Variants in EVL observed in about 807,000 individuals in gnomAD.
The protein encoded by EVL is ena/VASP-like protein.
In EVL, 21 loss-of-function variants were observed where a neutral mutation model predicts 59.6. That is an observed-to-expected ratio of 0.35 (90% CI 0.25 to 0.51). EVL has a LOEUF of 0.51. EVL is among the 20% of genes least tolerant of loss of function. The probability of loss-of-function intolerance (pLI) is 0.97; values close to 1 mark genes in which losing one functional copy is unlikely to be tolerated. For synonymous variants in EVL, 198 were observed against 203.5 expected (o/e 0.97, Z 0.23); for missense variants, 462 against 546.6 (o/e 0.85, Z 1.54).
intron 1 of EVL, among the ~76,000 whole-genome samples, chr14:100,047,691 TATATCACGGA>T (rs1279230926): frequency 1.3e-5 from 2 of 152,212 alleles, no homozygotes; most frequent in East Asian, 3.8e-4. Flanking sequence ...TTCTGCAACC[TATATCACGGA>T]ATAAACCAGG....
At chr14:100,126,404 C>A (rs1166192651) in intron 4 of EVL, among the ~76,000 whole-genome samples, 4 of 152,166 alleles carry the variant, frequency 2.6e-5, no homozygotes, top group Non-Finnish European at 4.4e-5. Context: ...CCAGGTGCGC[C>A]CATCTAGCCC....
chr14:99,975,853 G>T (rs1483317752), intron 1 of EVL, among the ~76,000 whole-genome samples: 2 of 152,022 alleles, frequency 1.3e-5, no homozygotes, highest in Non-Finnish European at 2.9e-5. Flanking sequence ...TATCTTCTAT[G>T]TCTCTTAACT....
chr14:100,046,205 G>A (rs1595088441), intron 1 of EVL, among the ~76,000 whole-genome samples: 2 of 152,300 alleles, frequency 1.3e-5, no homozygotes, highest in Middle Eastern at 6.8e-3. Context: ...TTTCCTTCGA[G>A]TGTCATGTCG....
intron 3 of EVL, among the ~76,000 whole-genome samples, chr14:100,100,201 A>G (rs767462055): frequency 1.3e-5 from 2 of 152,050 alleles, no homozygotes; most frequent in East Asian, 3.9e-4. Context: ...GACCTCCTAC[A>G]TTCCCTGGGG....
intron 1 of EVL, among the ~76,000 whole-genome samples, chr14:100,034,719 C>G (rs1421694641): frequency 1.3e-5 from 2 of 151,906 alleles, no homozygotes; most frequent in African/African-American, 4.8e-5. Context: ...GCCTGGGTGA[C>G]AGAGTGAGAC....
chr14:100,012,689 G>A (rs2061024256), intron 1 of EVL, among the ~76,000 whole-genome samples: 1 of 152,156 alleles, frequency 6.6e-6, no homozygotes, highest in Non-Finnish European at 1.5e-5. Context: ...TGAGGCAAGG[G>A]CCCCCCTTTC....
chr14:100,080,764 C>G (rs2062282501), intron 1 of EVL, among the ~76,000 whole-genome samples: 1 of 152,174 alleles, frequency 6.6e-6, no homozygotes, highest in Non-Finnish European at 1.5e-5. Flanking sequence ...AGTCCACCAA[C>G]CTGGTAACTT....
At chr14:100,029,195 A>C (rs1051316139) in intron 1 of EVL, among the ~76,000 whole-genome samples, 3 of 152,230 alleles carry the variant, frequency 2.0e-5, no homozygotes, top group African/African-American at 4.8e-5. Context: ...ACAAAAGAAA[A>C]CAAAGAGGAA....
chr14:100,074,231 C>T (rs72711925), intron 1 of EVL, among the ~76,000 whole-genome samples: 2,717 of 152,264 alleles, frequency 0.018, 35 homozygotes, highest in Non-Finnish European at 0.027. Flanking sequence ...AACCTGCCAC[C>T]TTGTTTTTCT....
intron 1 of EVL, among the ~76,000 whole-genome samples, chr14:100,050,176 A>G (rs957952515): frequency 6.6e-6 from 1 of 152,184 alleles, no homozygotes; most frequent in African/African-American, 2.4e-5. Context: ...TCTTTGGGGA[A>G]GAAAGGAGCG....
intron 1 of EVL, among the ~76,000 whole-genome samples, chr14:100,017,045 T>C (rs2061056643): frequency 6.6e-6 from 1 of 152,202 alleles, no homozygotes; most frequent in Admixed American, 6.5e-5. Context: ...CAGGAGAGCA[T>C]GTTGGAGTTA....
At chr14:99,998,022 T>C (rs2140182818) in intron 1 of EVL, among the ~76,000 whole-genome samples, 1 of 152,284 alleles carries the variant, frequency 6.6e-6, no homozygotes, top group South Asian at 2.1e-4. Flanking sequence ...TTATTTATTT[T>C]ATTTTTTATT....
In EVL at chr14:100,109,265, G is replaced by A. The variant is rs1451683407; in HGVS notation, c.358+11607G>A. On this transcript the variant is annotated intron_variant, in intron 3 of 13. Transcript: ENST00000392920. The surrounding 1 kb of genome is among the most constrained non-coding windows in gnomAD (Gnocchi z 4.3). ...GTCCTCCCTGGGCTGCGTCTAAAGG[G>A]GCCCCGCCCCTGCCCTCATGCATGT... is the stretch of plus-strand genomic sequence containing the variant. Among the ~76,000 whole-genome samples, 1 of 152,162 alleles carries A rather than the reference G, an allele frequency of 6.6e-6. No individual in the cohort carries two copies.
Position 100,143,329 on chromosome 14 carries a change from C to T in EVL, c.1220-372C>T, listed in dbSNP as rs539307993. Among the ~76,000 whole-genome samples the T allele has an allele frequency of 1.6e-4, 25 of 152,170 alleles. No homozygotes were observed. The East Asian group carries it at 4.8e-3, about 29-fold the overall frequency. On this transcript the variant is annotated intron_variant, in intron 13 of 13. Coordinates refer to ENST00000392920, the MANE Select transcript of EVL (RefSeq NM_016337.3). Reference sequence around the variant, plus strand: ...GGGAAGGGCTCCCGGGCCCCCGGCACCTGGACACCCACCTGTCCAGAGCCT... The same window carrying T: ...GGGAAGGGCTCCCGGGCCCCCGGCATCTGGACACCCACCTGTCCAGAGCCT...
intron 1 of EVL, among the ~76,000 whole-genome samples, chr14:99,975,694 A>G (rs896641734): frequency 6.6e-6 from 1 of 152,020 alleles, no homozygotes; most frequent in African/African-American, 2.4e-5. Context: ...CTAATACTTC[A>G]GCTCATCTGA....
chr14:100,070,075 A>G (rs920496711), intron 1 of EVL, among the ~76,000 whole-genome samples: 1 of 151,598 alleles, frequency 6.6e-6, no homozygotes, highest in Non-Finnish European at 1.5e-5. Context: ...AAAAAAAAAA[A>G]AAAAGAAAGA....
In EVL at chr14:100,129,688, G is replaced by C. The variant is rs1595237392; in HGVS notation, c.839+4G>C. ...TGAACAAACTGCTGGCCAAGAGGTGGGTCTCTACACCTCCCGAGACTTGGT... is the reference window on the plus strand; with the variant it reads ...TGAACAAACTGCTGGCCAAGAGGTGCGTCTCTACACCTCCCGAGACTTGGT... On this transcript the variant is annotated splice_donor_region_variant and intron_variant, in intron 7 of 13. Transcript: ENST00000392920. 1.3e-6 allele frequency: 2 copies of C among 1,563,354 alleles called. No individual in the cohort carries two copies. Among genetic ancestry groups the C allele is most frequent in the Non-Finnish European group, 1.7e-6 (2 of 1,152,534 alleles).
intron 1 of EVL, among the ~76,000 whole-genome samples, chr14:99,987,696 GC>G (rs1173930616): frequency 6.6e-6 from 1 of 152,090 alleles, no homozygotes; most frequent in African/African-American, 2.4e-5. Context: ...GAGCTTGTTT[GC>G]CCCTCCTAGC....
intron 1 of EVL, among the ~76,000 whole-genome samples, chr14:99,976,609 A>G (rs992672402): frequency 2.6e-5 from 4 of 152,058 alleles, no homozygotes; most frequent in African/African-American, 4.8e-5. Context: ...GAGGCCTAAG[A>G]TGATGCTTTT....
Sources: allele counts gnomAD v4.1 joint callset (sites outside exome capture counted in the v4.1 genomes callset), GRCh38; gene constraint gnomAD v4.1.1; non-coding constraint Gnocchi (gnomAD v3.1); transcripts MANE v1.5; gene names NCBI Gene and HGNC (gene_info 2026-07-23, HGNC 2026-07-21).